Variants in P4HA1 observed in about 807,000 individuals in gnomAD.
P4HA1 encodes prolyl 4-hydroxylase subunit alpha-1.
A neutral mutation model predicts 72.8 loss-of-function variants in P4HA1; 24 were observed. That is an observed-to-expected ratio of 0.33 (90% confidence interval 0.24 to 0.46). P4HA1 has a LOEUF of 0.46. Among genes scored for constraint, P4HA1 ranks in the 20% least tolerant of loss-of-function variants. The pLI, the probability that P4HA1 is intolerant of heterozygous loss-of-function variation, is 1.00. For synonymous variants in P4HA1, 201 were observed against 218.8 expected (o/e 0.92, Z 0.72); for missense variants, 446 against 640.6 (o/e 0.70, Z 3.28).
chr10:73,068,743 T>C, intron 5 of P4HA1, 103 bp downstream of exon 5: 1 of 959,722 alleles, frequency 1.0e-6, no homozygotes, highest in Non-Finnish European at 1.6e-6. Context: ...AACTACAATT[T>C]AAAATCTTAA....
At chr10:73,028,146 G>A (rs1840334726) in intron 10 of P4HA1, among the ~76,000 whole-genome samples, 1 of 152,026 alleles carries the variant, frequency 6.6e-6, no homozygotes, top group Non-Finnish European at 1.5e-5. Context: ...ATAGGATTCA[G>A]TGTGTTGGGT....
chr10:73,095,701 T>C (rs1589638918), intron 1 of P4HA1, among the ~76,000 whole-genome samples: 1 of 152,146 alleles, frequency 6.6e-6, no homozygotes. Flanking sequence ...GCAAGTCTCT[T>C]TGGCCTTTTA....
chr10:73,036,046 G>A (rs773809200), intron 9 of P4HA1, among the ~76,000 whole-genome samples: 8 of 151,864 alleles, frequency 5.3e-5, no homozygotes, highest in Non-Finnish European at 8.8e-5. Context: ...AAATTAGCCA[G>A]GTGTGAAGGT....
intron 5 of P4HA1, among the ~76,000 whole-genome samples, chr10:73,059,663 A>G (rs1841263365): frequency 6.6e-6 from 1 of 151,290 alleles, no homozygotes; most frequent in Non-Finnish European, 1.5e-5. Context: ...GAATGGCGTG[A>G]ACCCGGGAGG....
chr10:73,087,511 C>A (rs1391969558), intron 1 of P4HA1, among the ~76,000 whole-genome samples: 1 of 152,020 alleles, frequency 6.6e-6, no homozygotes, highest in African/African-American at 2.4e-5. Context: ...GATGGTCCAC[C>A]CACCTCAGCT....
intron 9 of P4HA1, among the ~76,000 whole-genome samples, chr10:73,036,205 T>A (rs1382417617): frequency 4.9e-5 from 7 of 142,352 alleles, no homozygotes; most frequent in Non-Finnish European, 9.1e-5. Flanking sequence ...AAAAAAAAAA[T>A]CTTGATGAAG....
chr10:73,070,799 T>A (rs1841540613), intron 4 of P4HA1, among the ~76,000 whole-genome samples: 2 of 152,140 alleles, frequency 1.3e-5, no homozygotes, highest in African/African-American at 4.8e-5. Context: ...GAATGACTAC[T>A]ACAGATTAAA....
rs147470373 is a variant in P4HA1 at position 73,069,380 on chromosome 10, C to G, written c.326-397G>C. Among the ~76,000 whole-genome samples the G allele has an allele frequency of 4.7e-3, 720 of 152,226 alleles. 7 individuals are homozygous for G. Among genetic ancestry groups the G allele is most frequent in the African/African-American group, 0.016 (675 of 41,530 alleles). ...GACAATCAATTATACTTCCAGATAA[C>G]AGATGGTAAGTAAAATATGTGCTCT... On this transcript the variant is annotated intron_variant, in intron 4 of 14. Coordinates refer to ENST00000394890, the MANE Select transcript of P4HA1 (RefSeq NM_001017962.3).
At chr10:73,019,830 A>T (rs1488034022) in intron 10 of P4HA1, among the ~76,000 whole-genome samples, 1 of 151,798 alleles carries the variant, frequency 6.6e-6, no homozygotes, top group African/African-American at 2.4e-5. Flanking sequence ...GAACCTGAAG[A>T]TACATTATTT....
chr10:73,044,869 G>A, intron 9 of P4HA1, 112 bp downstream of exon 9: 1 of 740,616 alleles, frequency 1.4e-6, no homozygotes, highest in East Asian at 2.6e-5. Flanking sequence ...TATACAGGGT[G>A]GTGACTTGAG....
At chr10:73,079,514 GATGGA>G (rs1172313799) in intron 1 of P4HA1, among the ~76,000 whole-genome samples, 1 of 152,210 alleles carries the variant, frequency 6.6e-6, no homozygotes, top group Non-Finnish European at 1.5e-5. Context: ...GGCCAAGGTG[GATGGA>G]TCACCTGAGG....
chr10:73,056,400 G>A (rs1841148669), intron 5 of P4HA1, among the ~76,000 whole-genome samples: 1 of 152,144 alleles, frequency 6.6e-6, no homozygotes, highest in Admixed American at 6.5e-5. Flanking sequence ...GGGAGGCCGA[G>A]GCAGGCGGAT....
Position 73,030,343 on chromosome 10 carries a change from A to C in P4HA1, c.1176T>G (p.Pro392=), listed in dbSNP as rs759596787. The C allele has an allele frequency of 6.3e-7, 1 of 1,575,758 alleles. No homozygotes were observed. Among genetic ancestry groups the C allele is most frequent in the Non-Finnish European group, 8.7e-7 (1 of 1,153,202 alleles). ...TTCTCATATTAATTCGAGACACCAC[A>C]GGATTTTCATAGCCAGAGAGCCAGG... ...KSAWLSGYEN[P]VVSRINMRIQ... The change falls in exon 10 of 15, where the codon CCT becomes CCG. Residue 392 remains proline (P), a synonymous_variant. Transcript: ENST00000394890.
In P4HA1 at chr10:73,053,340, A is replaced by C; in HGVS notation, c.703+11T>G. On this transcript the variant is annotated intron_variant, in intron 6 of 14. Coordinates refer to ENST00000394890, the MANE Select transcript of P4HA1 (RefSeq NM_001017962.3). ...ATAACTATAACCTTAAATTAGGCCC[A>C]GATAACATACCTAGTTCAAGAAGCT... The C allele has an allele frequency of 6.2e-7, 1 of 1,613,262 alleles. No individual in the cohort carries two copies. The highest frequency in any genetic ancestry group is 1.1e-5 in the South Asian group (1 of 90,996).
intron 10 of P4HA1, among the ~76,000 whole-genome samples, chr10:73,025,674 T>A (rs903168059): frequency 6.6e-6 from 1 of 152,054 alleles, no homozygotes; most frequent in Non-Finnish European, 1.5e-5. Flanking sequence ...AGTCAAATTG[T>A]CCCTGTTTGC....
intron 1 of P4HA1, among the ~76,000 whole-genome samples, chr10:73,087,002 T>C (rs1841937203): frequency 1.4e-5 from 2 of 147,040 alleles, no homozygotes; most frequent in Admixed American, 6.8e-5. Flanking sequence ...GGTAAATACC[T>C]AGGAGCGGGA....
At position 73,014,297 on chromosome 10, in the gene P4HA1, T is replaced by A; in HGVS notation, c.1303-8A>T. 1 of 1,604,422 alleles carries A rather than the reference T, an allele frequency of 6.2e-7. No individual in the cohort carries two copies. Among genetic ancestry groups the A allele is most frequent in the Non-Finnish European group, 8.5e-7 (1 of 1,171,450 alleles). On this transcript the variant is annotated splice_region_variant and splice_polypyrimidine_tract_variant and intron_variant, in intron 11 of 14. Transcript: ENST00000394890. The stretch of plus-strand genomic sequence containing the variant: ...AGCATCTGGCTCATCTTTCTGTGAA[T>A]AAAAACACAGTAAATTCAATGGTGT...
chr10:73,080,257 AC>A (rs1841794151), intron 1 of P4HA1, among the ~76,000 whole-genome samples: 1 of 152,208 alleles, frequency 6.6e-6, no homozygotes, highest in Non-Finnish European at 1.5e-5. Context: ...TAACATGCCT[AC>A]CCAAGCTAGA....
chr10:73,049,817 T>G (rs1589603158), intron 7 of P4HA1, among the ~76,000 whole-genome samples: 2 of 152,312 alleles, frequency 1.3e-5, no homozygotes, highest in Middle Eastern at 6.8e-3. Context: ...ATTGTATAGA[T>G]GAATCTGTTG....
Sources: gnomAD v4.1 joint callset for allele counts (sites outside exome capture counted in the v4.1 genomes callset) on GRCh38, gnomAD v4.1.1 for gene constraint, MANE v1.5 for transcripts, NCBI Gene and HGNC (gene_info 2026-07-23, HGNC 2026-07-21) for gene names.